The following COL5A2 variants were observed in gnomAD, a reference collection of about 807,000 sequenced individuals.
COL5A2 encodes collagen alpha-2(V) chain.
In COL5A2, 23 loss-of-function variants were observed where a neutral mutation model predicts 208.2. The observed-to-expected ratio is 0.11, with a 90% CI of 0.08 to 0.16. The LOEUF (loss-of-function observed/expected upper bound fraction) is 0.16. Among genes scored for constraint, COL5A2 ranks in the 10% least tolerant of loss-of-function variants. The probability of loss-of-function intolerance (pLI) is 1.00; values close to 1 mark genes in which losing one functional copy is unlikely to be tolerated. For missense variants in COL5A2, 1,590 were observed against 1,956.4 expected (o/e 0.81, Z 3.53); for synonymous variants, 625 against 628.5 (o/e 0.99, Z 0.08).
chr2:189,322,028 CA>C, the COL5A2 span, among the ~76,000 whole-genome samples: 1 of 152,200 alleles, frequency 6.6e-6, no homozygotes, highest in Non-Finnish European at 1.5e-5. Context: ...GAAACTCACT[CA>C]AAACCACTCA....
the COL5A2 span, among the ~76,000 whole-genome samples, chr2:189,242,452 C>T: frequency 2.6e-5 from 4 of 152,104 alleles, no homozygotes; most frequent in South Asian, 8.3e-4. Context: ...AACATGAAGC[C>T]CTTCTTCTTT....
chr2:189,082,642 C>T (rs1037109806), intron 12 of COL5A2, among the ~76,000 whole-genome samples: 1 of 152,162 alleles, frequency 6.6e-6, no homozygotes, highest in Non-Finnish European at 1.5e-5. Flanking sequence ...AGAAAATGAA[C>T]CAGATGTCCT....
chr2:189,353,210 A>C, the COL5A2 span, among the ~76,000 whole-genome samples: 2 of 152,170 alleles, frequency 1.3e-5, no homozygotes, highest in African/African-American at 2.4e-5. Context: ...TGTAGTTCAA[A>C]GTCAGGTAGC....
At chr2:189,251,411 T>C in the COL5A2 span, among the ~76,000 whole-genome samples, 7 of 152,174 alleles carry the variant, frequency 4.6e-5, no homozygotes, top group South Asian at 2.1e-4. Flanking sequence ...TTGAGATTCA[T>C]AGTGAACTAA....
chr2:189,226,247 A>G (rs1689417135), upstream of COL5A2, among the ~76,000 whole-genome samples: 1 of 152,180 alleles, frequency 6.6e-6, no homozygotes, highest in Non-Finnish European at 1.5e-5. Context: ...GCATATGTAA[A>G]TAGCAAAACC....
chr2:189,214,202 G>C (rs1033051435), intron 1 of COL5A2, among the ~76,000 whole-genome samples: 2 of 151,958 alleles, frequency 1.3e-5, no homozygotes, highest in African/African-American at 4.8e-5. Flanking sequence ...AAGAATTTAT[G>C]CCTAAAAATA....
At chr2:189,331,518 T>G in the COL5A2 span, among the ~76,000 whole-genome samples, 1 of 152,074 alleles carries the variant, frequency 6.6e-6, no homozygotes, top group Non-Finnish European at 1.5e-5. Flanking sequence ...AGTGAATAAG[T>G]CTCATGAGAT....
rs570508816 is a variant in COL5A2 at position 189,119,084 on chromosome 2, A to T, written c.98-8635T>A. On this transcript the variant is annotated intron_variant, in intron 1 of 53. Transcript: ENST00000374866. The stretch of plus-strand genomic sequence containing the variant: ...TAAGATCAAAACTCAATATGCTCTG[A>T]ATCTCAAAACCAGCCAAATGCCATA... Among the ~76,000 whole-genome samples the T allele has an allele frequency of 5.9e-5, 9 of 152,238 alleles. No individual in the cohort carries two copies. In the East Asian group the frequency reaches 1.7e-3, roughly 29 times the overall value.
intron 1 of COL5A2, among the ~76,000 whole-genome samples, chr2:189,196,677 C>T (rs908363710): frequency 4.6e-5 from 7 of 152,032 alleles, no homozygotes; most frequent in African/African-American, 1.7e-4. Context: ...ACTTTCTTGT[C>T]AGAAAACTAT....
chr2:189,036,549 A>G (rs1685446946), intron 52 of COL5A2, 67 bp downstream of exon 52: 1 of 1,352,866 alleles, frequency 7.4e-7, no homozygotes, highest in African/African-American at 1.5e-5. Context: ...AGTCCTAAAT[A>G]AATCAAAAAT....
the COL5A2 span, among the ~76,000 whole-genome samples, chr2:189,302,400 A>G: frequency 6.6e-6 from 1 of 152,058 alleles, no homozygotes; most frequent in African/African-American, 2.4e-5. Context: ...ACCCCTCTCA[A>G]TTTCACTCCA....
At chr2:189,357,325 T>C in the COL5A2 span, among the ~76,000 whole-genome samples, 9 of 152,142 alleles carry the variant, frequency 5.9e-5, no homozygotes, top group African/African-American at 1.9e-4. Context: ...CTGCTGAAGC[T>C]ACACCCACAG....
At chr2:189,405,800 A>T in the COL5A2 span, among the ~76,000 whole-genome samples, 1 of 152,228 alleles carries the variant, frequency 6.6e-6, no homozygotes, top group Non-Finnish European at 1.5e-5. Context: ...GAATTATAGC[A>T]CATTTTAGTC....
the COL5A2 span, among the ~76,000 whole-genome samples, chr2:189,381,900 AT>A: frequency 6.6e-6 from 1 of 152,112 alleles, no homozygotes; most frequent in African/African-American, 2.4e-5. Flanking sequence ...AGTAAAAGTT[AT>A]TTGAAAAATA....
chr2:189,045,649 T>C, intron 46 of COL5A2, 151 bp downstream of exon 46: 2 of 721,696 alleles, frequency 2.8e-6, no homozygotes, highest in South Asian at 3.1e-5. Context: ...CTAAGAAACA[T>C]ATAGTAGTTC....
the COL5A2 span, among the ~76,000 whole-genome samples, chr2:189,323,666 A>G: frequency 7.9e-5 from 12 of 152,328 alleles, no homozygotes; most frequent in African/African-American, 2.6e-4. Flanking sequence ...TCAATGAAAT[A>G]AAAGAGGACA....
chr2:189,434,616 C>T, the COL5A2 span, among the ~76,000 whole-genome samples: 1 of 152,150 alleles, frequency 6.6e-6, no homozygotes. Flanking sequence ...ATCCAACTTA[C>T]AAGGGATGTG....
At chr2:189,261,194 T>G in the COL5A2 span, among the ~76,000 whole-genome samples, 3 of 152,144 alleles carry the variant, frequency 2.0e-5, no homozygotes, top group African/African-American at 7.2e-5. Context: ...TCTTACTAAT[T>G]CTAACTAACT....
chr2:189,196,950 T>C (rs1689008586), intron 1 of COL5A2, among the ~76,000 whole-genome samples: 1 of 152,176 alleles, frequency 6.6e-6, no homozygotes, highest in Admixed American at 6.5e-5. Context: ...TTACTGGGTA[T>C]ATAACCAAAG....
Sources: gnomAD v4.1 joint callset for allele counts (sites outside exome capture counted in the v4.1 genomes callset) on GRCh38, gnomAD v4.1.1 for gene constraint, MANE v1.5 for transcripts, NCBI Gene and HGNC (gene_info 2026-07-23, HGNC 2026-07-21) for gene names.